The following SPATA1 variants were observed in gnomAD, a reference collection of about 807,000 sequenced individuals.
SPATA1 encodes spermatogenesis-associated protein 1.
In SPATA1, 57 loss-of-function variants were observed where a neutral mutation model predicts 59.6. The observed-to-expected ratio is 0.96, with a 90% confidence interval of 0.77 to 1.19. SPATA1 has a LOEUF of 1.19. SPATA1 is among the 50% of genes most tolerant of loss of function. The pLI is 0.00. For synonymous variants in SPATA1, 147 were observed against 163.9 expected (o/e 0.90, Z 0.79); for missense variants, 448 against 480.7 (o/e 0.93, Z 0.64).
chr1:84,532,087 A>G (rs1028684941), intron 6 of SPATA1, among the ~76,000 whole-genome samples: 4 of 152,256 alleles, frequency 2.6e-5, no homozygotes, highest in Admixed American at 6.5e-5. Flanking sequence ...GATTTTATCA[A>G]TGAAAATGTA....
At chr1:84,564,679 T>C (rs996715316) in intron 4 of SPATA1, among the ~76,000 whole-genome samples, 3 of 152,178 alleles carry the variant, frequency 2.0e-5, no homozygotes, top group African/African-American at 7.2e-5. Flanking sequence ...ATGTCTTGCC[T>C]GAAACACAGT....
intron 1 of SPATA1, among the ~76,000 whole-genome samples, chr1:84,509,999 G>A (rs899831328): frequency 6.6e-6 from 1 of 152,026 alleles, no homozygotes; most frequent in Non-Finnish European, 1.5e-5. Context: ...AACAGCCTGG[G>A]CAACATGGCA....
chr1:84,541,914 A>C (rs1377435528), intron 8 of SPATA1, among the ~76,000 whole-genome samples: 1 of 151,992 alleles, frequency 6.6e-6, no homozygotes, highest in African/African-American at 2.4e-5. Context: ...CTGCTGCTGT[A>C]GTGAAATGCA....
chr1:84,531,926 A>C (rs1683486622), intron 6 of SPATA1, among the ~76,000 whole-genome samples: 1 of 152,182 alleles, frequency 6.6e-6, no homozygotes, highest in South Asian at 2.1e-4. Flanking sequence ...AATTAAAAAA[A>C]TTGATTTCTC....
At chr1:84,546,736 A>C (rs1223672038) in intron 10 of SPATA1, among the ~76,000 whole-genome samples, 2 of 152,104 alleles carry the variant, frequency 1.3e-5, no homozygotes. Flanking sequence ...ATCACCTTAT[A>C]TATCACTTAC....
At chr1:84,559,859 C>T (rs191542878) in intron 4 of SPATA1, among the ~76,000 whole-genome samples, 63 of 151,554 alleles carry the variant, frequency 4.2e-4, no homozygotes, top group Non-Finnish European at 7.4e-4. Context: ...CCAAGGTAGG[C>T]GGATCACTTG....
At chr1:84,514,027 T>C (rs1008254447) in intron 1 of SPATA1, among the ~76,000 whole-genome samples, 4 of 152,002 alleles carry the variant, frequency 2.6e-5, no homozygotes, top group Non-Finnish European at 5.9e-5. Context: ...GTATTTTTAA[T>C]AGAGACGGGG....
chr1:84,519,353 A>T (rs1682925517), intron 2 of SPATA1, among the ~76,000 whole-genome samples: 1 of 152,064 alleles, frequency 6.6e-6, no homozygotes, highest in African/African-American at 2.4e-5. Flanking sequence ...AGAATATTTA[A>T]CCTTAAAATA....
At chr1:84,506,871 C>G (rs1245159315) in intron 1 of SPATA1, 3 of 152,252 alleles carry the variant, frequency 2.0e-5, no homozygotes, top group African/African-American at 7.2e-5. Flanking sequence ...ATCGGTTTTT[C>G]TGAAGGAGAT....
intron 1 of SPATA1, among the ~76,000 whole-genome samples, chr1:84,509,836 G>T (rs915574721): frequency 3.9e-5 from 6 of 152,014 alleles, no homozygotes; most frequent in African/African-American, 1.4e-4. Flanking sequence ...TTTGAATAAT[G>T]CCCTACAAGC....
chr1:84,523,126 A>G (rs930902741), intron 4 of SPATA1, among the ~76,000 whole-genome samples: 5 of 152,092 alleles, frequency 3.3e-5, no homozygotes, highest in African/African-American at 1.2e-4. Context: ...ACTGGTCTCA[A>G]ATTCCTGACT....
At chr1:84,550,492 C>T in exon 12 of SPATA1, 4 of 1,566,658 alleles carry the variant, frequency 2.6e-6, no homozygotes, top group South Asian at 2.4e-5. Context: ...TAAGAGAAAA[C>T]TAGATACTGA....
chr1:84,534,536 A>G (rs1226444109), intron 8 of SPATA1, among the ~76,000 whole-genome samples: 3 of 152,086 alleles, frequency 2.0e-5, no homozygotes, highest in African/African-American at 7.2e-5. Context: ...ATAGTTAGTA[A>G]GTACTAGAGC....
At chr1:84,514,170 T>C (rs1003418004) in intron 1 of SPATA1, among the ~76,000 whole-genome samples, 1 of 152,126 alleles carries the variant, frequency 6.6e-6, no homozygotes, top group Non-Finnish European at 1.5e-5. Context: ...TTATTAGTAA[T>C]GTCTACTGAT....
chr1:84,560,062 C>A (rs1421819402), intron 4 of SPATA1, among the ~76,000 whole-genome samples: 1 of 123,208 alleles, frequency 8.1e-6, no homozygotes, highest in South Asian at 2.6e-4. Context: ...ACAGCCTGGG[C>A]GACAGAGCAA....
At chr1:84,548,960 C>T in exon 11 of SPATA1, 2 of 1,573,322 alleles carry the variant, frequency 1.3e-6, no homozygotes, top group Middle Eastern at 1.7e-4. Context: ...ATCACAGACT[C>T]CAAGGTATTA....
At chr1:84,544,555 ATTTTATTT>A (rs1337114596) in intron 9 of SPATA1, among the ~76,000 whole-genome samples, 2 of 151,316 alleles carry the variant, frequency 1.3e-5, no homozygotes, top group Non-Finnish European at 2.9e-5. Context: ...AATTATAGGA[ATTTTATTT>A]TTATTTTATT....
intron 4 of SPATA1, chr1:84,563,730 C>T (rs745323457): frequency 3.2e-6 from 5 of 1,539,020 alleles, no homozygotes; most frequent in South Asian, 1.2e-5. Flanking sequence ...AATGACTGTT[C>T]CTACCTCAGA....
At chr1:84,547,463 A>C (rs373840222) in intron 10 of SPATA1, among the ~76,000 whole-genome samples, 1 of 152,194 alleles carries the variant, frequency 6.6e-6, no homozygotes, top group East Asian at 1.9e-4. Context: ...GCCCATAAGG[A>C]GCTTGCTTCC....
Sources: gnomAD v4.1 joint callset for allele counts (sites outside exome capture counted in the v4.1 genomes callset) on GRCh38, gnomAD v4.1.1 for gene constraint, MANE v1.5 for transcripts, NCBI Gene and HGNC (gene_info 2026-07-23, HGNC 2026-07-21) for gene names.